The following TASP1 variants were observed in gnomAD, a reference collection of about 807,000 sequenced individuals.
TASP1 encodes taspase 1, also known as threonine aspartase 1.
A neutral mutation model predicts 56.6 loss-of-function variants in TASP1; 16 were observed. The ratio of observed to expected loss-of-function variants is 0.28; its 90% CI spans 0.19 to 0.43. The LOEUF (loss-of-function observed/expected upper bound fraction) is 0.43, where lower values mean the gene tolerates loss of function less well. Among genes scored for constraint, TASP1 ranks in the 20% least tolerant of loss-of-function variants. TASP1 has a pLI of 1.00. For missense variants in TASP1, 393 were observed against 511.6 expected, an observed-to-expected ratio of 0.77 and a Z score of 2.24; for synonymous variants, 179 against 184.2, an observed-to-expected ratio of 0.97 and a Z score of 0.23.
At chr20:13,596,155 C>G (rs567454499) in intron 4 of TASP1, among the ~76,000 whole-genome samples, 5 of 151,970 alleles carry the variant, frequency 3.3e-5, no homozygotes, top group African/African-American at 1.2e-4. Flanking sequence ...GGCAGATCAC[C>G]TGAGGTCGGG....
At chr20:13,234,988 A>G in the TASP1 span, among the ~76,000 whole-genome samples, 11 of 152,248 alleles carry the variant, frequency 7.2e-5, no homozygotes, top group East Asian at 1.7e-3. Flanking sequence ...GTCTACATGC[A>G]TGTTTTTCTT....
chr20:13,156,148 G>C, the TASP1 span, among the ~76,000 whole-genome samples: 2 of 152,056 alleles, frequency 1.3e-5, no homozygotes, highest in Non-Finnish European at 2.9e-5. Flanking sequence ...TCCAAACTTG[G>C]CTCAGGTTTA....
chr20:13,306,564 C>CAAAAA, the TASP1 span, among the ~76,000 whole-genome samples: 177 of 63,906 alleles, frequency 2.8e-3, no homozygotes, highest in African/African-American at 3.4e-3. Context: ...GGAGAAAGGA[C>CAAAAA]AAAAAAAAAA....
chr20:13,191,270 C>T, the TASP1 span, among the ~76,000 whole-genome samples: 2 of 152,126 alleles, frequency 1.3e-5, no homozygotes, highest in African/African-American at 2.4e-5. Context: ...AATCAGCTCT[C>T]GGACGAGGTA....
chr20:13,210,616 C>CGTGTGTGTGTGTGTGTGTGTGT, the TASP1 span, among the ~76,000 whole-genome samples: 1 of 147,406 alleles, frequency 6.8e-6, no homozygotes, highest in African/African-American at 2.5e-5. Context: ...CATGTGCACA[C>CGTGTGTGTGTGTGTGTGTGTGT]GTGTGTGTGT....
chr20:13,547,997 A>AG (rs1244761156), intron 8 of TASP1, among the ~76,000 whole-genome samples: 2 of 152,206 alleles, frequency 1.3e-5, no homozygotes, highest in East Asian at 3.9e-4. Flanking sequence ...AAGAGAGAGA[A>AG]GAAGGAAGGA....
At chr20:13,487,917 A>C (rs1028314055) in intron 10 of TASP1, among the ~76,000 whole-genome samples, 10 of 152,308 alleles carry the variant, frequency 6.6e-5, no homozygotes, top group African/African-American at 2.4e-4. Flanking sequence ...AATCATTCTT[A>C]GCTTATGAGC....
intron 8 of TASP1, among the ~76,000 whole-genome samples, chr20:13,555,779 T>G (rs933242343): frequency 1.3e-5 from 2 of 152,318 alleles, no homozygotes; most frequent in Non-Finnish European, 1.5e-5. Context: ...TCAATTCACC[T>G]TGTCCAGATC....
intron 6 of TASP1, 132 bp downstream of exon 6, chr20:13,580,765 G>A: frequency 1.2e-6 from 1 of 819,664 alleles, no homozygotes; most frequent in Non-Finnish European, 2.0e-6. Context: ...TGTACAAAAT[G>A]TTCCAAGATC....
the TASP1 span, among the ~76,000 whole-genome samples, chr20:13,158,837 A>G: frequency 1.3e-5 from 2 of 152,224 alleles, no homozygotes; most frequent in Admixed American, 1.3e-4. Context: ...ACAGCAAAAC[A>G]AGTGAATGGA....
chr20:13,597,937 T>A (rs1322460077), intron 4 of TASP1, among the ~76,000 whole-genome samples: 6 of 152,132 alleles, frequency 3.9e-5, no homozygotes, highest in Admixed American at 2.0e-4. Context: ...TCACGGTTGC[T>A]ACAAAGAGAA....
At chr20:13,248,407 T>A in the TASP1 span, among the ~76,000 whole-genome samples, 1 of 152,212 alleles carries the variant, frequency 6.6e-6, no homozygotes, top group East Asian at 1.9e-4. Context: ...ACCAGTGAGA[T>A]GTCTCCACTC....
chr20:13,196,109 T>C, the TASP1 span, among the ~76,000 whole-genome samples: 13 of 152,300 alleles, frequency 8.5e-5, no homozygotes, highest in South Asian at 2.5e-3. Flanking sequence ...ACATTCAAGA[T>C]GCATTCACTT....
At chr20:13,533,073 A>T (rs2045283465) in intron 9 of TASP1, among the ~76,000 whole-genome samples, 1 of 152,086 alleles carries the variant, frequency 6.6e-6, no homozygotes, top group Admixed American at 6.6e-5. Flanking sequence ...AAACAACACC[A>T]CTTTGGGGTG....
At chr20:13,274,675 C>A in the TASP1 span, among the ~76,000 whole-genome samples, 1 of 151,944 alleles carries the variant, frequency 6.6e-6, no homozygotes, top group East Asian at 1.9e-4. Flanking sequence ...TCCCCGCCCC[C>A]CCCGCGCCCG....
At chr20:13,148,664 T>C in the TASP1 span, among the ~76,000 whole-genome samples, 2 of 152,168 alleles carry the variant, frequency 1.3e-5, no homozygotes, top group Admixed American at 1.3e-4. Context: ...TGCATGGCCC[T>C]AGGGGTGGAC....
intron 10 of TASP1, among the ~76,000 whole-genome samples, chr20:13,507,296 G>A (rs1356138311): frequency 2.0e-5 from 3 of 152,178 alleles, no homozygotes; most frequent in Non-Finnish European, 4.4e-5. Flanking sequence ...ATTTTGGGAG[G>A]CCAAAGCATG....
chr20:13,362,618 C>G, the TASP1 span, among the ~76,000 whole-genome samples: 1 of 151,656 alleles, frequency 6.6e-6, no homozygotes, highest in Admixed American at 6.6e-5. Flanking sequence ...CCTGCCTGCA[C>G]CCAGGTGAAA....
At chr20:13,249,137 T>A in the TASP1 span, among the ~76,000 whole-genome samples, 1 of 152,110 alleles carries the variant, frequency 6.6e-6, no homozygotes, top group African/African-American at 2.4e-5. Flanking sequence ...TTTGAAAAGA[T>A]AAATAAAATA....
Sources: allele counts gnomAD v4.1 joint callset (sites outside exome capture counted in the v4.1 genomes callset), GRCh38; gene constraint gnomAD v4.1.1; transcripts MANE v1.5; gene names NCBI Gene and HGNC (gene_info 2026-07-23, HGNC 2026-07-21).